Variants in CENPU observed in about 807,000 individuals in gnomAD.
The protein encoded by CENPU is KSHV latent nuclear antigen interacting protein 1.
Under a neutral mutation model 56.7 loss-of-function variants are expected in CENPU, and 46 were observed. That is an observed-to-expected ratio of 0.81 (90% CI 0.64 to 1.04). CENPU has a LOEUF of 1.04. Among genes scored for constraint, CENPU ranks in the 50% least tolerant of loss-of-function variants. The pLI, the probability that CENPU is intolerant of heterozygous loss-of-function variation, is 0.00. For missense variants in CENPU, 510 were observed against 490.1 expected (o/e 1.04, Z -0.38); for synonymous variants, 166 against 163.0 (o/e 1.02, Z -0.14).
At chr4:184,697,902 G>T in intron 11 of CENPU, 99 bp from the exon 12 acceptor site, 1 of 818,362 alleles carries the variant, frequency 1.2e-6, no homozygotes, top group Non-Finnish European at 1.9e-6. Flanking sequence ...ACCGGGGCTG[G>T]CCAACTAGAT....
At chr4:184,711,389 C>T (rs1252033040) in intron 7 of CENPU, among the ~76,000 whole-genome samples, 1 of 152,030 alleles carries the variant, frequency 6.6e-6, no homozygotes, top group East Asian at 1.9e-4. Context: ...TCAGCATATC[C>T]ATCACCTCAT....
chr4:184,723,617 G>A (rs1398206495), intron 4 of CENPU, among the ~76,000 whole-genome samples: 1 of 152,038 alleles, frequency 6.6e-6, no homozygotes, highest in Admixed American at 6.6e-5. Flanking sequence ...GCCAAGGCGG[G>A]CGGATCACGA....
At chr4:184,730,225 TGAGAGAAATCCACCCAAA>T (rs1330233542) in intron 2 of CENPU, among the ~76,000 whole-genome samples, 10 of 152,126 alleles carry the variant, frequency 6.6e-5, no homozygotes, top group Non-Finnish European at 8.8e-5. Flanking sequence ...GCAGGACAGC[TGAGAGAAATCCACCCAAA>T]GAACCCGTGA....
At chr4:184,704,436 T>C (rs1760653042) in intron 8 of CENPU, among the ~76,000 whole-genome samples, 2 of 152,090 alleles carry the variant, frequency 1.3e-5, no homozygotes, top group Admixed American at 1.3e-4. Context: ...CAACACATCA[T>C]ATAGCCGCGG....
chr4:184,717,908 A>G (rs1295127585), intron 4 of CENPU, among the ~76,000 whole-genome samples: 1 of 152,248 alleles, frequency 6.6e-6, no homozygotes, highest in African/African-American at 2.4e-5. Context: ...GCAGATGGAA[A>G]AGTTAATGTA....
chr4:184,698,351 T>A lies in CENPU; in HGVS notation c.987-548A>T, dbSNP rs558155433. 4 of 152,350 alleles carry A rather than the reference T, an allele frequency of 2.6e-5. No homozygotes were observed. In the South Asian group the frequency reaches 8.3e-4, roughly 32 times the overall value. 9.4% of individuals were successfully genotyped at this position (152,350 alleles called of 1,614,324 possible). ...ATAAAAAGGGATAACTTGGGTTTTATGGACCAACAAAAAAATGAGGGGCAA... is the reference window on the plus strand; with the variant it reads ...ATAAAAAGGGATAACTTGGGTTTTAAGGACCAACAAAAAAATGAGGGGCAA... On this transcript the variant is annotated intron_variant, in intron 11 of 12. Coordinates refer to ENST00000281453, the MANE Select transcript of CENPU (RefSeq NM_024629.4).
In CENPU at chr4:184,730,910, G is replaced by C; in HGVS notation, c.96+10C>G. ...TTTTGAGAAAACCACAACACAAAAAGGTAACTTACATCTTTCATGGAATGT... is the reference window on the plus strand; with the variant it reads ...TTTTGAGAAAACCACAACACAAAAACGTAACTTACATCTTTCATGGAATGT... On this transcript the variant is annotated intron_variant, in intron 2 of 12. Coordinates refer to ENST00000281453, the MANE Select transcript of CENPU (RefSeq NM_024629.4). The C allele has an allele frequency of 6.4e-7, 1 of 1,574,306 alleles. No individual in the cohort carries two copies. Among genetic ancestry groups the C allele is most frequent in the Non-Finnish European group, 8.6e-7 (1 of 1,167,484 alleles).
intron 7 of CENPU, 101 bp downstream of exon 7, chr4:184,712,843 T>G (rs1385878583): frequency 1.8e-5 from 14 of 793,188 alleles, no homozygotes; most frequent in Admixed American, 7.9e-5. Flanking sequence ...GTGGCAATTT[T>G]ATGTACTTAC....
At chr4:184,728,484 C>T (rs1045347212) in intron 3 of CENPU, among the ~76,000 whole-genome samples, 3 of 152,158 alleles carry the variant, frequency 2.0e-5, no homozygotes, top group African/African-American at 7.2e-5. Flanking sequence ...GGCCTTTTAC[C>T]TCACACTCCA....
intron 1 of CENPU, among the ~76,000 whole-genome samples, chr4:184,731,403 G>A (rs1761641197): frequency 1.3e-5 from 2 of 152,224 alleles, no homozygotes; most frequent in South Asian, 4.1e-4. Flanking sequence ...CCAGGAGGGA[G>A]ACAAGCCTGC....
intron 1 of CENPU, chr4:184,733,220 A>G (rs1809662): frequency 0.99 from 580,162 of 587,216 alleles, 286,985 homozygotes; most frequent in East Asian, 1. Context: ...CTGGCCACAG[A>G]AGTCTGGTCT....
At chr4:184,706,664 A>G (rs1216357798) in intron 8 of CENPU, among the ~76,000 whole-genome samples, 1 of 152,256 alleles carries the variant, frequency 6.6e-6, no homozygotes, top group East Asian at 1.9e-4. Flanking sequence ...ACAGACCCTT[A>G]AACAGTTGTT....
In CENPU at chr4:184,704,023, G is replaced by A. The variant is rs78964023; in HGVS notation, c.798-1582C>T. Among the ~76,000 whole-genome samples the A allele has an allele frequency of 3.0e-4, 45 of 152,200 alleles. 1 individual carries two copies. In the East Asian group the frequency reaches 8.7e-3, roughly 29 times the overall value. On this transcript the variant is annotated intron_variant, in intron 8 of 12. Transcript: ENST00000281453. Reference sequence around the variant, plus strand: ...GTAAAAGTATAGCACACATACTTAGGTATACTACATAATACTAGGTAATAA... The same window carrying A: ...GTAAAAGTATAGCACACATACTTAGATATACTACATAATACTAGGTAATAA...
intron 8 of CENPU, among the ~76,000 whole-genome samples, chr4:184,707,523 A>G (rs1266487367): frequency 6.6e-6 from 1 of 152,180 alleles, no homozygotes; most frequent in Non-Finnish European, 1.5e-5. Flanking sequence ...ATGCTGGAGA[A>G]TGATGACCCA....
At chr4:184,695,490 G>T in intron 12 of CENPU, 89 bp from the exon 13 acceptor site, 1 of 819,806 alleles carries the variant, frequency 1.2e-6, no homozygotes, top group Non-Finnish European at 2.0e-6. Context: ...TGCAAATTTT[G>T]ATTGAGCTTT....
intron 12 of CENPU, among the ~76,000 whole-genome samples, chr4:184,695,778 C>T (rs564272356): frequency 5.3e-5 from 8 of 151,994 alleles, no homozygotes; most frequent in African/African-American, 1.9e-4. Flanking sequence ...TTTTAAAACA[C>T]AGAAAACTGT....
rs747055640 is a variant in CENPU at position 184,702,076 on chromosome 4, A to G, written c.924+13T>C. On this transcript the variant is annotated intron_variant, in intron 10 of 12. Transcript: ENST00000281453. ...TGTTTGACTCTATGACTCTAATCAC[A>G]TAAATAATTTACCTTAGCATTCTTC... The G allele has an allele frequency of 1.9e-6, 3 of 1,578,224 alleles. No individual in the cohort carries two copies. The highest frequency in any genetic ancestry group is 2.2e-5 in the East Asian group (1 of 44,644).
At chr4:184,699,776 T>C (rs1406737937) in intron 11 of CENPU, among the ~76,000 whole-genome samples, 1 of 152,050 alleles carries the variant, frequency 6.6e-6, no homozygotes, top group East Asian at 1.9e-4. Flanking sequence ...TTCTCGTGCC[T>C]CAACCTCCCG....
intron 7 of CENPU, among the ~76,000 whole-genome samples, chr4:184,712,548 C>T (rs1760960222): frequency 1.3e-5 from 2 of 152,172 alleles, no homozygotes; most frequent in African/African-American, 2.4e-5. Context: ...AAACTGTAAA[C>T]ACACACTGAA....
Sources: allele counts gnomAD v4.1 joint callset (sites outside exome capture counted in the v4.1 genomes callset), GRCh38; gene constraint gnomAD v4.1.1; transcripts MANE v1.5; gene names NCBI Gene and HGNC (gene_info 2026-07-23, HGNC 2026-07-21).